Variants in BRF1 observed in about 807,000 individuals in gnomAD.
BRF1 encodes transcription factor IIIB 90 kDa subunit.
Under a neutral mutation model 81.7 loss-of-function variants are expected in BRF1, and 59 were observed. That is an observed-to-expected ratio of 0.72 (90% CI 0.59 to 0.90). The LOEUF (loss-of-function observed/expected upper bound fraction) is 0.90. Ranked by LOEUF, BRF1 falls within the 40% of genes least tolerant of loss-of-function variation. BRF1 has a pLI of 0.00. For synonymous variants in BRF1, 491 were observed against 395.6 expected, an observed-to-expected ratio of 1.24 and a Z score of -2.86; for missense variants, 1,050 against 936.3, an observed-to-expected ratio of 1.12 and a Z score of -1.58.
At chr14:105,213,054 C>T (rs34766944) in intron 15 of BRF1, 44,139 of 152,160 alleles carry the variant, frequency 0.29, 6,996 homozygotes, top group African/African-American at 0.4. Flanking sequence ...ACCAGGGCTC[C>T]TGGTGGTGCT....
At chr14:105,286,413 G>C (rs370950674) in intron 1 of BRF1, 37 bp from the exon 2 acceptor site, 13 of 1,587,156 alleles carry the variant, frequency 8.2e-6, no homozygotes. Flanking sequence ...GCCAAAACTT[G>C]GAGATCTGCA....
intron 2 of BRF1, among the ~76,000 whole-genome samples, chr14:105,283,996 C>T (rs1287102112): frequency 6.6e-6 from 1 of 152,040 alleles, no homozygotes; most frequent in Non-Finnish European, 1.5e-5. Flanking sequence ...AAACAAAAAA[C>T]TGACAAAACT....
chr14:105,249,243 A>G (rs1343231545), intron 5 of BRF1: 2 of 1,579,062 alleles, frequency 1.3e-6, no homozygotes, highest in South Asian at 2.3e-5. Flanking sequence ...GTGCCCGCCC[A>G]CAAGGTGGGT....
intron 5 of BRF1, chr14:105,248,113 T>TAGC: frequency 2.0e-6 from 2 of 985,396 alleles, no homozygotes; most frequent in Non-Finnish European, 2.4e-6. Flanking sequence ...TGCCGGGAAA[T>TAGC]AGCAGCGCCT....
chr14:105,211,194 C>A lies in BRF1; in HGVS notation c.1924G>T (p.Ala642Ser), dbSNP rs1213732385. 6.2e-7 allele frequency: 1 copy of A among 1,612,212 alleles called. No individual in the cohort carries two copies. The highest frequency in any genetic ancestry group is 8.5e-7 in the Non-Finnish European group (1 of 1,179,854). ...GPVSYHADEE[A>S]DEEEPDEEDG... Reference sequence around the variant, plus strand: ...TCCTCGTCAGGCTCCTCCTCGTCAGCCTCCTCGTCGGCGTGGTATGACACG... The same window carrying A: ...TCCTCGTCAGGCTCCTCCTCGTCAGACTCCTCGTCGGCGTGGTATGACACG... The change falls in exon 17 of 18, where the codon GCT becomes TCT. Residue 642 changes from alanine to serine, a missense_variant. Ala to Ser is a moderately conservative substitution (Grantham distance 99, BLOSUM62 1). Coordinates refer to ENST00000547530, the MANE Select transcript of BRF1 (RefSeq NM_001519.4).
intron 3 of BRF1, among the ~76,000 whole-genome samples, chr14:105,257,562 G>A (rs950932728): frequency 2.6e-5 from 4 of 152,160 alleles, no homozygotes; most frequent in South Asian, 2.1e-4. Flanking sequence ...GGACGTGAGC[G>A]GTGAGGCCCG....
chr14:105,219,245 A>G lies in BRF1; in HGVS notation c.1378-13T>C. 1 of 1,609,432 alleles carries G rather than the reference A, an allele frequency of 6.2e-7. No homozygotes were observed. ...CATTCAGGATGTACTGGGCGAGCAC[A>G]GGGAAGTGGGGCTGGCTTTTAGCCT... On this transcript the variant is annotated splice_polypyrimidine_tract_variant and intron_variant, in intron 12 of 17. Coordinates refer to ENST00000547530, the MANE Select transcript of BRF1 (RefSeq NM_001519.4).
chr14:105,269,791 C>T lies in BRF1; in HGVS notation c.439+2930G>A, dbSNP rs587759281. ...AGGCCCAGTGAGGCAGCAGCATGGA[C>T]GTGGTTCCACCCCACCTTGCTGACG... On this transcript the variant is annotated intron_variant, in intron 3 of 17. Transcript: ENST00000547530. The surrounding 1 kb of genome is among the most constrained non-coding windows in gnomAD (Gnocchi z 5.0). 9.2e-5 allele frequency among the ~76,000 whole-genome samples: 14 copies of T among 152,276 alleles called. No homozygotes were observed. In the East Asian group the frequency reaches 1.5e-3, roughly 17 times the overall value.
At chr14:105,256,092 T>C (rs879651383) in intron 4 of BRF1, 9 of 1,135,038 alleles carry the variant, frequency 7.9e-6, no homozygotes, top group Non-Finnish European at 1.0e-5. Context: ...GCCACTGCAC[T>C]CCAGCCTGGG....
At chr14:105,225,116 T>C (rs1892876388) in intron 10 of BRF1, among the ~76,000 whole-genome samples, 1 of 152,192 alleles carries the variant, frequency 6.6e-6, no homozygotes, top group South Asian at 2.1e-4. Flanking sequence ...CCCTGGACTG[T>C]TGGCTCTGCC....
rs767830218 is a variant in BRF1, at chr14:105,211,094, C to T, written c.1996+28G>A. 3 of 1,610,268 alleles carry T rather than the reference C, an allele frequency of 1.9e-6. No homozygotes were observed. In the South Asian group the frequency reaches 3.3e-5, roughly 18 times the overall value. ...AGCTGATGCCTTTATTTCCCTTGAACCCCTCCCTGTTGTCGGGCCCCACCC... is the reference window on the plus strand; with the variant it reads ...AGCTGATGCCTTTATTTCCCTTGAATCCCTCCCTGTTGTCGGGCCCCACCC... On this transcript the variant is annotated intron_variant, in intron 17 of 17. Coordinates refer to ENST00000547530, the MANE Select transcript of BRF1 (RefSeq NM_001519.4).
chr14:105,228,731 G>A (rs1320016815), intron 7 of BRF1, 89 bp downstream of exon 7: 114 of 1,447,074 alleles, frequency 7.9e-5, no homozygotes, highest in South Asian at 4.5e-4. Flanking sequence ...GCAGGGTCCC[G>A]GGAGGTGGCG....
chr14:105,261,291 G>A (rs745849439), intron 3 of BRF1, among the ~76,000 whole-genome samples: 13 of 152,216 alleles, frequency 8.5e-5, no homozygotes, highest in Admixed American at 3.9e-4. Flanking sequence ...TCCTGAGTGC[G>A]GCAGAGGCCC....
Position 105,309,079 on chromosome 14 carries a change from G to C in BRF1, c.-162+6243C>G, listed in dbSNP as rs995103549. Among the ~76,000 whole-genome samples the C allele has an allele frequency of 2.0e-5, 3 of 152,140 alleles. No individual in the cohort carries two copies. Among genetic ancestry groups the C allele is most frequent in the Non-Finnish European group, 2.9e-5 (2 of 68,030 alleles). ...TTGAGTGTTGGTTGACACGTGTTGCGGTAATTGCTGTTCTGATGTCTGTGA... is the reference window on the plus strand; with the variant it reads ...TTGAGTGTTGGTTGACACGTGTTGCCGTAATTGCTGTTCTGATGTCTGTGA... On this transcript the variant is annotated intron_variant, in intron 1 of 17. Transcript: ENST00000327359. This position sits in a 1 kb window ranked among gnomAD's most constrained non-coding sequence, Gnocchi z 4.0.
At chr14:105,279,036 C>T (rs2056962130) in intron 2 of BRF1, among the ~76,000 whole-genome samples, 1 of 151,894 alleles carries the variant, frequency 6.6e-6, no homozygotes, top group Non-Finnish European at 1.5e-5. Flanking sequence ...GAGTGAGACT[C>T]CATGTCAAAG....
intron 15 of BRF1, among the ~76,000 whole-genome samples, chr14:105,213,951 C>T (rs902131173): frequency 3.3e-5 from 5 of 152,204 alleles, no homozygotes; most frequent in African/African-American, 4.8e-5. Context: ...GGCCTGAGAG[C>T]GCCTGGAGAA....
rs138161119 is a variant in BRF1 at position 105,241,341 on chromosome 14, A to C, written c.618T>G (p.Thr206=). ...FGEKNHEVSM[T]ALRLLQRMKR... is the part of the protein sequence containing the mutation. ...TCATCCTCTGTAGGAGCCTCAGGGC[A>C]GTCATGGACACCTCGTGGTTCTTCT... is the stretch of plus-strand genomic sequence containing the variant. The change falls in exon 6 of 18, where the codon ACT becomes ACG. Residue 206 remains threonine (T), a synonymous_variant. Coordinates refer to ENST00000547530, the MANE Select transcript of BRF1 (RefSeq NM_001519.4). 3.4e-4 allele frequency: 555 copies of C among 1,612,800 alleles called. 2 individuals are homozygous for C. The highest frequency in any genetic ancestry group is 2.0e-4 in the Non-Finnish European group (234 of 1,179,932).
chr14:105,256,576 G>C, intron 3 of BRF1, 27 bp from the exon 4 acceptor site: 1 of 1,609,920 alleles, frequency 6.2e-7, no homozygotes, highest in Non-Finnish European at 8.5e-7. Flanking sequence ...GGATCCTGTC[G>C]AGTGGCTGCA....
Position 105,217,630 on chromosome 14 carries a change from C to G in BRF1, c.1686G>C (p.Glu562Asp). The change falls in exon 15 of 18, where the codon GAG (glutamate) becomes GAC (aspartate). Residue 562 changes from glutamate to aspartate, a missense_variant. Glu to Asp is a conservative substitution (Grantham distance 45). Around this residue, in one of 2 missense-constraint regions of BRF1, gnomAD observed 1,043 missense variants for 915.4 expected, o/e 1.14. Transcript: ENST00000547530. Reference protein sequence around the residue: ...GSPHREDAQPEHSASARKLSR... With the variant: ...GSPHREDAQPDHSASARKLSR... ...ACAGCTTCCTGGCACTGGCGCTATG[C>G]TCGGGCTGTGCATCCTCCCTGTGCG... 6.2e-7 allele frequency: 1 copy of G among 1,613,388 alleles called. No homozygotes were observed. The highest frequency in any genetic ancestry group is 8.5e-7 in the Non-Finnish European group (1 of 1,180,028).
Sources: gnomAD v4.1 joint callset for allele counts (sites outside exome capture counted in the v4.1 genomes callset) on GRCh38, gnomAD v4.1.1 for gene constraint, gnomAD v4.1.1 regional missense constraint, Gnocchi (gnomAD v3.1) non-coding constraint, MANE v1.5 for transcripts, NCBI Gene and HGNC (gene_info 2026-07-23, HGNC 2026-07-21) for gene names.